The following TANC2 variants were observed in gnomAD, a reference collection of about 807,000 sequenced individuals.
TANC2 encodes the protein tetratricopeptide repeat, ankyrin repeat and coiled-coil containing 2, also known as protein TANC2.
Under a neutral mutation model 210.5 loss-of-function variants are expected in TANC2, and 26 were observed. The observed-to-expected ratio is 0.12, with a 90% CI of 0.09 to 0.17. The LOEUF (loss-of-function observed/expected upper bound fraction) is 0.17, where lower values mean the gene tolerates loss of function less well. Ranked by LOEUF, TANC2 falls within the 10% of genes least tolerant of loss-of-function variation. The pLI is 1.00. For synonymous variants in TANC2, 931 were observed against 967.1 expected (o/e 0.96, Z 0.69); for missense variants, 2,129 against 2,608.9 (o/e 0.82, Z 4.01).
At chr17:63,170,651 T>C (rs572053420) in intron 5 of TANC2, among the ~76,000 whole-genome samples, 1 of 152,288 alleles carries the variant, frequency 6.6e-6, no homozygotes, top group South Asian at 2.1e-4. Context: ...TAGACTGTGC[T>C]CTAAAAGACT....
chr17:63,178,321 A>G (rs2040662399), intron 5 of TANC2, among the ~76,000 whole-genome samples: 1 of 152,070 alleles, frequency 6.6e-6, no homozygotes, highest in East Asian at 1.9e-4. Flanking sequence ...CGACAGAGCA[A>G]GACTCTGTCT....
intron 18 of TANC2, among the ~76,000 whole-genome samples, chr17:63,398,223 T>C (rs1034916317): frequency 1.3e-5 from 2 of 151,944 alleles, no homozygotes; most frequent in Non-Finnish European, 2.9e-5. Context: ...AGCAGGAGAA[T>C]CACTTGAGGC....
chr17:63,172,482 A>G (rs1316484867), intron 5 of TANC2, among the ~76,000 whole-genome samples: 2 of 152,102 alleles, frequency 1.3e-5, no homozygotes, highest in Admixed American at 1.3e-4. Flanking sequence ...GCCCCCGGCC[A>G]TCACAGCATT....
rs919562367 is a variant in TANC2, at chr17:63,161,737, T to C, written c.433+10357T>C. 5.3e-5 allele frequency among the ~76,000 whole-genome samples: 8 copies of C among 152,188 alleles called. No individual in the cohort carries two copies. The East Asian group carries it at 1.4e-3, about 26-fold the overall frequency. ...CAGGCCCACATCTTTTAAGGACATG[T>C]ATATATTGATGACTCTGCTGTCATC... On this transcript the variant is annotated intron_variant, in intron 5 of 27. Transcript: ENST00000689528.
intron 11 of TANC2, among the ~76,000 whole-genome samples, chr17:63,321,450 T>C (rs2045490547): frequency 6.6e-6 from 1 of 152,340 alleles, no homozygotes; most frequent in African/African-American, 2.4e-5. Context: ...ATGTATTCTT[T>C]ACTTAGGCAC....
intron 18 of TANC2, among the ~76,000 whole-genome samples, chr17:63,398,577 T>A (rs1208385596): frequency 6.6e-6 from 1 of 152,204 alleles, no homozygotes; most frequent in Admixed American, 6.5e-5. Context: ...ATGTAATTTT[T>A]AAAAAATCAC....
chr17:63,043,018 TGTATTTTAGAA>T (rs1275540482), intron 2 of TANC2, among the ~76,000 whole-genome samples: 1 of 152,092 alleles, frequency 6.6e-6, no homozygotes, highest in Non-Finnish European at 1.5e-5. Context: ...TAAAACTATT[TGTATTTTAGAA>T]AAGACTTTTC....
At chr17:63,219,972 G>A (rs1171384820) in intron 7 of TANC2, among the ~76,000 whole-genome samples, 2 of 152,114 alleles carry the variant, frequency 1.3e-5, no homozygotes, top group African/African-American at 4.8e-5. Context: ...TGTTACTGCT[G>A]TAAAGGTGGA....
At chr17:63,207,340 C>G (rs1412362754) in intron 7 of TANC2, among the ~76,000 whole-genome samples, 1 of 151,350 alleles carries the variant, frequency 6.6e-6, no homozygotes, top group Non-Finnish European at 1.5e-5. Context: ...CTCAGCCTCC[C>G]GAGTAGCTGG....
At chr17:62,979,531 A>G (rs2032195753) in intron 1 of TANC2, among the ~76,000 whole-genome samples, 1 of 152,212 alleles carries the variant, frequency 6.6e-6, no homozygotes, top group South Asian at 2.1e-4. Context: ...TAAATTTTAA[A>G]AATATTTTAG....
chr17:63,096,807 A>G (rs558940605), intron 3 of TANC2, among the ~76,000 whole-genome samples: 1 of 152,226 alleles, frequency 6.6e-6, no homozygotes, highest in South Asian at 2.1e-4. Context: ...TCTGTGTTTA[A>G]CTTTTTGAGG....
chr17:63,223,554 C>A (rs2042250600), intron 7 of TANC2, among the ~76,000 whole-genome samples: 1 of 149,778 alleles, frequency 6.7e-6, no homozygotes, highest in African/African-American at 2.5e-5. Flanking sequence ...TTAGCTATAT[C>A]TGTACCCACT....
At chr17:63,040,516 C>G (rs2035145161) in intron 2 of TANC2, among the ~76,000 whole-genome samples, 1 of 152,118 alleles carries the variant, frequency 6.6e-6, no homozygotes, top group Non-Finnish European at 1.5e-5. Flanking sequence ...ACTTAAGCCA[C>G]ACCCAGCAGA....
chr17:63,410,150 C>T (rs1341410511), intron 21 of TANC2, among the ~76,000 whole-genome samples: 2 of 152,112 alleles, frequency 1.3e-5, no homozygotes, highest in Non-Finnish European at 2.9e-5. Flanking sequence ...CTTTTTTCTT[C>T]TGGTGAAAAT....
At chr17:63,362,029 C>T (rs2046973517) in intron 14 of TANC2, among the ~76,000 whole-genome samples, 1 of 152,068 alleles carries the variant, frequency 6.6e-6, no homozygotes, top group Non-Finnish European at 1.5e-5. Context: ...GCAGTTTGTC[C>T]CATCAAGTGT....
intron 9 of TANC2, among the ~76,000 whole-genome samples, chr17:63,279,135 G>A (rs1428106627): frequency 2.0e-5 from 3 of 152,074 alleles, no homozygotes; most frequent in Non-Finnish European, 4.4e-5. Flanking sequence ...TCAGGAGTAG[G>A]CAACAGATGG....
chr17:63,058,200 T>A (rs944896930), intron 2 of TANC2, among the ~76,000 whole-genome samples: 1 of 152,220 alleles, frequency 6.6e-6, no homozygotes, highest in Non-Finnish European at 1.5e-5. Context: ...AGCTTTTTTT[T>A]CCAAAAGCTT....
chr17:63,332,477 G>T, intron 11 of TANC2: 1 of 410,732 alleles, frequency 2.4e-6, no homozygotes, highest in South Asian at 2.0e-5. Flanking sequence ...CATCTAACTT[G>T]GCACTGTTCC....
At chr17:63,408,551 C>T (rs576555626) in intron 21 of TANC2, among the ~76,000 whole-genome samples, 25 of 152,200 alleles carry the variant, frequency 1.6e-4, no homozygotes, top group Admixed American at 2.6e-4. Flanking sequence ...TCTGAGAAAA[C>T]GCCTTGGATT....
Sources: allele counts gnomAD v4.1 joint callset (sites outside exome capture counted in the v4.1 genomes callset), GRCh38; gene constraint gnomAD v4.1.1; transcripts MANE v1.5; gene names NCBI Gene and HGNC (gene_info 2026-07-23, HGNC 2026-07-21).